LARGE1: variants seen among roughly 807,000 people sequenced by gnomAD.
LARGE1 encodes LARGE xylosyl- and glucuronyltransferase 1.
Under a neutral mutation model 87.6 loss-of-function variants are expected in LARGE1, and 43 were observed. That is an observed-to-expected ratio of 0.49 (90% CI 0.38 to 0.63). The LOEUF is 0.63. LARGE1 is among the 30% of genes least tolerant of loss of function. The probability of loss-of-function intolerance (pLI) is 0.00; values close to 1 mark genes in which losing one functional copy is unlikely to be tolerated. For missense variants in LARGE1, 802 were observed against 1,000.2 expected, an observed-to-expected ratio of 0.80 and a Z score of 2.67; for synonymous variants, 434 against 394.6, an observed-to-expected ratio of 1.10 and a Z score of -1.18.
At chr22:33,702,936 A>G (rs1354961100) in intron 2 of LARGE1, among the ~76,000 whole-genome samples, 1 of 152,168 alleles carries the variant, frequency 6.6e-6, no homozygotes, top group Non-Finnish European at 1.5e-5. Context: ...CGGGGTTCTA[A>G]AGGGTGACTA....
intron 2 of LARGE1, among the ~76,000 whole-genome samples, chr22:33,728,399 C>T (rs1260031864): frequency 6.6e-6 from 1 of 151,664 alleles, no homozygotes; most frequent in Non-Finnish European, 1.5e-5. Flanking sequence ...ATTAGCCAGG[C>T]ACGGGGGTGC....
At position 33,384,269 on chromosome 22, in the gene LARGE1, T is replaced by A. The variant is rs1361446500; in HGVS notation, c.928A>T (p.Met310Leu). The change falls in exon 8 of 15, where the codon ATG (methionine) becomes TTG (leucine). Residue 310 changes from methionine to leucine, a missense_variant. Met to Leu is a conservative substitution (Grantham distance 15, BLOSUM62 2). Around this residue, in one of 2 missense-constraint regions of LARGE1, gnomAD observed 625 missense variants for 841.9 expected, o/e 0.74. Transcript: ENST00000397394. Reference protein sequence around the residue: ...ILLLLDKLRKMKWEQMWRLTA... With the variant: ...ILLLLDKLRKLKWEQMWRLTA... ...AGCCTCCACATCTGCTCCCATTTCA[T>A]CTTCCGCAGCTTATCCAGAAGTAAC... is the stretch of plus-strand genomic sequence containing the variant. 6.2e-7 allele frequency: 1 copy of A among 1,613,900 alleles called. No homozygotes were observed. The highest frequency in any genetic ancestry group is 1.3e-5 in the African/African-American group (1 of 74,900).
the LARGE1 span, among the ~76,000 whole-genome samples, chr22:33,143,125 G>A: frequency 1.3e-5 from 2 of 152,134 alleles, no homozygotes; most frequent in African/African-American, 4.8e-5. Context: ...TCAGAGATGG[G>A]TTCACAAGGT....
Position 33,304,480 on chromosome 22 carries a change from C to G in LARGE1, c.1479G>C (p.Lys493Asn). 1 of 1,608,154 alleles carries G rather than the reference C, an allele frequency of 6.2e-7. No individual in the cohort carries two copies. The highest frequency in any genetic ancestry group is 8.5e-7 in the Non-Finnish European group (1 of 1,176,996). Residue 493 changes from lysine to asparagine, a missense_variant, in exon 12 of 15, where the codon AAG (lysine) becomes AAC (asparagine). Physicochemically the swap from Lys to Asn is moderately conservative, Grantham distance 94. Transcript: ENST00000397394. ...CCAGGCTGATGGGCCCCTCCCAGTG[C>G]TTGCAGATGGCCTCCAGCATCTGGA... Reference protein sequence around the residue: ...DRLQMLEAICKHWEGPISLAL... With the variant: ...DRLQMLEAICNHWEGPISLAL...
chr22:33,635,645 C>T (rs1016905170), intron 3 of LARGE1, among the ~76,000 whole-genome samples: 3 of 152,122 alleles, frequency 2.0e-5, no homozygotes, highest in African/African-American at 7.2e-5. Flanking sequence ...AAGTAACTTG[C>T]CCAAGGTCCG....
intron 13 of LARGE1, among the ~76,000 whole-genome samples, chr22:33,282,848 A>C (rs919400578): frequency 6.6e-6 from 1 of 152,184 alleles, no homozygotes; most frequent in South Asian, 2.1e-4. Context: ...ACAAGCACAC[A>C]AAAGGGAGAA....
chr22:33,635,441 T>A (rs1320687412), intron 3 of LARGE1, among the ~76,000 whole-genome samples: 2 of 152,176 alleles, frequency 1.3e-5, no homozygotes, highest in East Asian at 3.8e-4. Context: ...CACGGTGTTG[T>A]CCTTACTGGA....
At chr22:33,574,749 A>G (rs2078304063) in intron 5 of LARGE1, among the ~76,000 whole-genome samples, 1 of 150,880 alleles carries the variant, frequency 6.6e-6, no homozygotes, top group Non-Finnish European at 1.5e-5. Flanking sequence ...AAATAACTAT[A>G]GTCTGATACA....
intron 12 of LARGE1, among the ~76,000 whole-genome samples, chr22:33,290,539 T>A (rs1033170946): frequency 6.6e-6 from 1 of 152,178 alleles, no homozygotes; most frequent in African/African-American, 2.4e-5. Context: ...GAGACTGCGA[T>A]GAGCACCTAA....
intron 7 of LARGE1, among the ~76,000 whole-genome samples, chr22:33,409,173 C>T (rs1201015344): frequency 1.3e-5 from 2 of 152,120 alleles, no homozygotes; most frequent in Non-Finnish European, 2.9e-5. Flanking sequence ...ATCTGATCTG[C>T]TGTGGTGAAA....
intron 1 of LARGE1, among the ~76,000 whole-genome samples, chr22:33,778,916 G>C (rs1400894757): frequency 6.6e-6 from 1 of 152,148 alleles, no homozygotes; most frequent in East Asian, 1.9e-4. Flanking sequence ...CTCCCAAAGT[G>C]CTGGGATTAC....
chr22:33,910,579 G>C (rs1338885266), intron 1 of LARGE1, among the ~76,000 whole-genome samples: 1 of 152,118 alleles, frequency 6.6e-6, no homozygotes, highest in East Asian at 1.9e-4. Context: ...CCAAGACGAG[G>C]CTCCTGAATG....
intron 6 of LARGE1, among the ~76,000 whole-genome samples, chr22:33,462,493 C>T (rs1183898336): frequency 6.6e-6 from 1 of 152,070 alleles, no homozygotes; most frequent in Non-Finnish European, 1.5e-5. Context: ...TAAAAATATA[C>T]CCACTGAGGC....
Position 33,650,418 on chromosome 22 carries a change from C to A in LARGE1, c.357G>T (p.Val119=). 6.2e-7 allele frequency: 1 copy of A among 1,614,136 alleles called. No homozygotes were observed. Among genetic ancestry groups the A allele is most frequent in the East Asian group, 2.2e-5 (1 of 44,880 alleles). ...GDSENLRAGI[V]AGNSSECGQQ... ...GCCCACACTCGGAGCTGTTGCCTGCCACGATGCCAGCCCGAAGGTTCTCGC... is the reference window on the plus strand; with the variant it reads ...GCCCACACTCGGAGCTGTTGCCTGCAACGATGCCAGCCCGAAGGTTCTCGC... The change falls in exon 3 of 15, where the codon GTG becomes GTT. Residue 119 remains valine (V), a synonymous_variant. Transcript: ENST00000397394.
chr22:33,589,933 AG>A (rs2078787232), intron 5 of LARGE1, among the ~76,000 whole-genome samples: 1 of 152,152 alleles, frequency 6.6e-6, no homozygotes, highest in Non-Finnish European at 1.5e-5. Flanking sequence ...GGTCAAGAGT[AG>A]GGCCTGTGTA....
the LARGE1 span, among the ~76,000 whole-genome samples, chr22:33,134,201 C>A: frequency 6.6e-6 from 1 of 151,370 alleles, no homozygotes; most frequent in Admixed American, 6.6e-5. Context: ...TGATCTTGTG[C>A]CAGTACAGGC....
chr22:33,331,979 C>G (rs1364582339), intron 10 of LARGE1, among the ~76,000 whole-genome samples: 4 of 152,100 alleles, frequency 2.6e-5, no homozygotes, highest in African/African-American at 9.7e-5. Flanking sequence ...ACTATTTTGG[C>G]ACTAACCGCA....
At position 33,443,913 on chromosome 22, in the gene LARGE1, C is replaced by T. The variant is rs774662695; in HGVS notation, c.788-11648G>A. 4.6e-5 allele frequency among the ~76,000 whole-genome samples: 7 copies of T among 152,234 alleles called. No individual in the cohort carries two copies. The East Asian group carries it at 5.8e-4, about 13-fold the overall frequency. ...CCTCTCAGACGAGGCCTCCACGAGG[C>T]GGCAGAGCTGGCCTCAGCCCAGCTA... On this transcript the variant is annotated intron_variant, in intron 6 of 14. Coordinates refer to ENST00000397394, the MANE Select transcript of LARGE1 (RefSeq NM_133642.5).
intron 1 of LARGE1, among the ~76,000 whole-genome samples, chr22:33,768,764 C>T (rs1300412419): frequency 6.6e-6 from 1 of 152,202 alleles, no homozygotes; most frequent in Non-Finnish European, 1.5e-5. Flanking sequence ...GCATCTAAGA[C>T]CAAGGAATGT....
Sources: gnomAD v4.1 joint callset for allele counts (sites outside exome capture counted in the v4.1 genomes callset) on GRCh38, gnomAD v4.1.1 for gene constraint, gnomAD v4.1.1 regional missense constraint, MANE v1.5 for transcripts, NCBI Gene and HGNC (gene_info 2026-07-23, HGNC 2026-07-21) for gene names.